RARB: variants seen among roughly 807,000 people sequenced by gnomAD.
The protein encoded by RARB is retinoic acid receptor beta, also known as HBV-activated protein.
Under a neutral mutation model 51.9 loss-of-function variants are expected in RARB, and 17 were observed. The ratio of observed to expected loss-of-function variants is 0.33; its 90% CI spans 0.22 to 0.49. The LOEUF (loss-of-function observed/expected upper bound fraction) is 0.49, where lower values mean the gene tolerates loss of function less well. RARB is among the 20% of genes least tolerant of loss of function. The probability of loss-of-function intolerance (pLI) is 0.99; values close to 1 mark genes in which losing one functional copy is unlikely to be tolerated. For synonymous variants in RARB, 215 were observed against 195.4 expected, an observed-to-expected ratio of 1.10 and a Z score of -0.84; for missense variants, 369 against 550.8, an observed-to-expected ratio of 0.67 and a Z score of 3.30.
chr3:25,019,850 G>C (rs1397348738), intron 2 of RARB, among the ~76,000 whole-genome samples: 2 of 152,108 alleles, frequency 1.3e-5, no homozygotes, highest in Non-Finnish European at 2.9e-5. Flanking sequence ...GTTCTGTGAG[G>C]TCTTCCATGG....
intron 5 of RARB, among the ~76,000 whole-genome samples, chr3:25,175,800 A>T (rs780636871): frequency 9.2e-5 from 14 of 152,104 alleles, no homozygotes; most frequent in Non-Finnish European, 1.9e-4. Context: ...TTTGACCCTC[A>T]TGTCTCTGGA....
At chr3:25,572,078 G>T (rs73151315) in intron 4 of RARB, among the ~76,000 whole-genome samples, 11 of 152,134 alleles carry the variant, frequency 7.2e-5, no homozygotes, top group Admixed American at 1.3e-4. Context: ...AGGTGAGGGC[G>T]TCTTGACCTA....
chr3:24,973,077 C>G (rs747447187), intron 2 of RARB, among the ~76,000 whole-genome samples: 9 of 152,012 alleles, frequency 5.9e-5, no homozygotes, highest in Non-Finnish European at 1.3e-4. Flanking sequence ...AGCATTTCCC[C>G]AAAAGTTTCT....
At chr3:25,382,670 A>G (rs1706663817) in intron 5 of RARB, among the ~76,000 whole-genome samples, 1 of 152,222 alleles carries the variant, frequency 6.6e-6, no homozygotes, top group South Asian at 2.1e-4. Flanking sequence ...AGCCTGGCCA[A>G]CATGGTGAAG....
At chr3:25,059,290 C>T (rs1001709773) in intron 2 of RARB, among the ~76,000 whole-genome samples, 1 of 151,590 alleles carries the variant, frequency 6.6e-6, no homozygotes, top group African/African-American at 2.4e-5. Context: ...TATTTCCTTG[C>T]TTTTAATTAT....
chr3:24,856,740 A>G (rs1702641000), intron 1 of RARB, among the ~76,000 whole-genome samples: 1 of 152,206 alleles, frequency 6.6e-6, no homozygotes, highest in African/African-American at 2.4e-5. Context: ...TTGAAGTTAC[A>G]ACAATTTGAA....
chr3:25,367,025 G>C (rs1021868525), intron 5 of RARB, among the ~76,000 whole-genome samples: 2 of 152,060 alleles, frequency 1.3e-5, no homozygotes, highest in African/African-American at 4.8e-5. Context: ...CAGGCAGCCT[G>C]TCTCATACCC....
At chr3:25,553,745 T>G (rs967851530) in intron 3 of RARB, among the ~76,000 whole-genome samples, 5 of 152,176 alleles carry the variant, frequency 3.3e-5, no homozygotes, top group Non-Finnish European at 7.4e-5. Context: ...GACGCCATCC[T>G]TCGTTCCCAG....
At chr3:25,074,451 G>A (rs1358623051) in intron 3 of RARB, among the ~76,000 whole-genome samples, 2 of 152,086 alleles carry the variant, frequency 1.3e-5, no homozygotes, top group African/African-American at 4.8e-5. Flanking sequence ...CCACTTCTCT[G>A]TTCACACTGT....
chr3:25,308,087 G>C (rs181632577), intron 5 of RARB, among the ~76,000 whole-genome samples: 13 of 152,308 alleles, frequency 8.5e-5, no homozygotes, highest in African/African-American at 2.6e-4. Flanking sequence ...AGTAGGTACA[G>C]ATGTCCAGCA....
At chr3:25,393,254 G>A (rs938028853) in intron 5 of RARB, among the ~76,000 whole-genome samples, 9 of 151,676 alleles carry the variant, frequency 5.9e-5, no homozygotes, top group South Asian at 2.1e-4. Flanking sequence ...TGATCATTGC[G>A]GATTATCTTT....
intron 5 of RARB, among the ~76,000 whole-genome samples, chr3:25,412,235 C>T (rs985228245): frequency 6.6e-6 from 1 of 152,072 alleles, no homozygotes; most frequent in Non-Finnish European, 1.5e-5. Context: ...AATTCTCGTC[C>T]TTATCCTGCA....
At chr3:24,899,662 G>C (rs896451509) in intron 2 of RARB, among the ~76,000 whole-genome samples, 1 of 151,590 alleles carries the variant, frequency 6.6e-6, no homozygotes, top group African/African-American at 2.4e-5. Context: ...TGGTTGTTTT[G>C]AGGAGAAAAA....
At chr3:25,460,175 G>C (rs1695106009) in intron 1 of RARB, among the ~76,000 whole-genome samples, 1 of 152,144 alleles carries the variant, frequency 6.6e-6, no homozygotes. Flanking sequence ...TTAGTCATCT[G>C]GGGATTTCAT....
intron 2 of RARB, among the ~76,000 whole-genome samples, chr3:24,938,631 C>T (rs75547993): frequency 0.034 from 5,158 of 152,132 alleles, 194 homozygotes; most frequent in East Asian, 0.18. Flanking sequence ...GCATTAAGCA[C>T]GCTCACAGTG....
At chr3:24,895,556 G>T (rs956852114) in intron 2 of RARB, among the ~76,000 whole-genome samples, 3 of 150,486 alleles carry the variant, frequency 2.0e-5, no homozygotes, top group Non-Finnish European at 4.4e-5. Context: ...CAAAATTTAC[G>T]CTTTTTTTTT....
intron 2 of RARB, among the ~76,000 whole-genome samples, chr3:24,910,331 A>G (rs1377177430): frequency 6.6e-6 from 1 of 152,204 alleles, no homozygotes; most frequent in Admixed American, 6.5e-5. Context: ...AGTTAGGTTC[A>G]GTCCCGCTAA....
intron 2 of RARB, among the ~76,000 whole-genome samples, chr3:24,891,430 AT>A (rs1484462041): frequency 6.6e-6 from 1 of 152,162 alleles, no homozygotes; most frequent in African/African-American, 2.4e-5. Context: ...GGGAAGAATC[AT>A]AGCCCCCACT....
At chr3:25,060,606 C>A (rs972851380) in intron 3 of RARB, among the ~76,000 whole-genome samples, 1 of 151,774 alleles carries the variant, frequency 6.6e-6, no homozygotes, top group African/African-American at 2.4e-5. Context: ...AAACAGGCAA[C>A]ATTTGTCCTG....
Sources: allele counts gnomAD v4.1 joint callset (sites outside exome capture counted in the v4.1 genomes callset), GRCh38; gene constraint gnomAD v4.1.1; transcripts MANE v1.5; gene names NCBI Gene and HGNC (gene_info 2026-07-23, HGNC 2026-07-21).